Variants in SNX29 observed in about 807,000 individuals in gnomAD.
SNX29 encodes the protein sorting nexin-29.
A neutral mutation model predicts 102.1 loss-of-function variants in SNX29; 78 were observed. That is an observed-to-expected ratio of 0.76 (90% CI 0.64 to 0.92). The LOEUF (loss-of-function observed/expected upper bound fraction) is 0.92. Among genes scored for constraint, SNX29 ranks in the 40% least tolerant of loss-of-function variants. The pLI is 0.00. For synonymous variants in SNX29, 580 were observed against 414.5 expected (o/e 1.40, Z -4.85); for missense variants, 1,280 against 1,061.7 (o/e 1.21, Z -2.86).
chr16:12,045,592 G>A (rs1233927650), intron 5 of SNX29, among the ~76,000 whole-genome samples: 2 of 135,388 alleles, frequency 1.5e-5, no homozygotes, highest in East Asian at 3.9e-4. Context: ...TTTCAGGTCT[G>A]TAACCTAGGC....
rs74854069 is a variant in SNX29, at chr16:12,421,518, C to G, written c.2037+17989C>G. On this transcript the variant is annotated intron_variant, in intron 18 of 20. Coordinates refer to ENST00000566228, the MANE Select transcript of SNX29 (RefSeq NM_032167.5). ...TTTCCCTTAACACATATAGGGTGTTCAAGGAAAACACTGGCCTCTTACTCT... is the reference window on the plus strand; with the variant it reads ...TTTCCCTTAACACATATAGGGTGTTGAAGGAAAACACTGGCCTCTTACTCT... Among the ~76,000 whole-genome samples the G allele has an allele frequency of 2.9e-3, 449 of 152,266 alleles. 2 individuals carry two copies. Among genetic ancestry groups the G allele is most frequent in the African/African-American group, 9.9e-3 (411 of 41,540 alleles).
intron 11 of SNX29, among the ~76,000 whole-genome samples, chr16:12,084,848 C>T (rs2052085202): frequency 6.6e-6 from 1 of 152,112 alleles, no homozygotes; most frequent in Non-Finnish European, 1.5e-5. Context: ...GTGGGCAGAT[C>T]ACTTGAGGGC....
intron 15 of SNX29, among the ~76,000 whole-genome samples, chr16:12,323,839 A>G (rs998469218): frequency 1.3e-5 from 2 of 152,170 alleles, no homozygotes; most frequent in Non-Finnish European, 2.9e-5. Flanking sequence ...ATGGAGCAGT[A>G]TTTTCAAATG....
At chr16:12,539,479 C>G (rs1051220872) in intron 20 of SNX29, among the ~76,000 whole-genome samples, 3 of 152,154 alleles carry the variant, frequency 2.0e-5, no homozygotes, top group Non-Finnish European at 2.9e-5. Flanking sequence ...CACGGTTTAT[C>G]TAGTCATAAA....
chr16:12,431,348 G>A (rs1324814302), intron 18 of SNX29, among the ~76,000 whole-genome samples: 2 of 152,018 alleles, frequency 1.3e-5, no homozygotes, highest in Non-Finnish European at 2.9e-5. Flanking sequence ...CCAGGGGTCT[G>A]TGAGGAGGAG....
Position 12,523,012 on chromosome 16 carries a change from A to G in SNX29, c.2179-1690A>G, listed in dbSNP as rs533842115. ...TTTTTTATAGAGATTGGGCCTTGTT[A>G]TGTTACCCAGGCTGGTCTCAAACTC... On this transcript the variant is annotated intron_variant, in intron 19 of 20. Coordinates refer to ENST00000566228, the MANE Select transcript of SNX29 (RefSeq NM_032167.5). Among the ~76,000 whole-genome samples the G allele has an allele frequency of 3.9e-5, 6 of 152,142 alleles. No individual in the cohort carries two copies. In the East Asian group the frequency reaches 1.2e-3, roughly 29 times the overall value.
chr16:12,224,879 T>C (rs2077570245), intron 14 of SNX29, among the ~76,000 whole-genome samples: 1 of 152,098 alleles, frequency 6.6e-6, no homozygotes, highest in South Asian at 2.1e-4. Context: ...GAACTGTGGA[T>C]TCAGATCTGT....
intron 16 of SNX29, among the ~76,000 whole-genome samples, chr16:12,382,628 G>A (rs534605833): frequency 3.9e-5 from 6 of 152,326 alleles, no homozygotes; most frequent in East Asian, 1.9e-4. Flanking sequence ...TACCATAAAC[G>A]TGCTGGCTTA....
chr16:12,457,217 T>C (rs16959709), intron 18 of SNX29, among the ~76,000 whole-genome samples: 9,244 of 152,280 alleles, frequency 0.061, 916 homozygotes, highest in African/African-American at 0.21. Context: ...TTTATGCATG[T>C]GTTATGTCAC....
At chr16:12,158,007 A>G (rs1363719341) in intron 13 of SNX29, among the ~76,000 whole-genome samples, 2 of 151,840 alleles carry the variant, frequency 1.3e-5, no homozygotes, top group Non-Finnish European at 2.9e-5. Flanking sequence ...ACATCACAGC[A>G]TCTGGTATAA....
At chr16:12,469,816 G>C (rs547073382) in intron 18 of SNX29, among the ~76,000 whole-genome samples, 2 of 152,274 alleles carry the variant, frequency 1.3e-5, no homozygotes, top group Admixed American at 1.3e-4. Context: ...TTCAAGACCA[G>C]CCTGGCCAAC....
At chr16:12,298,192 G>A (rs1321948843) in intron 15 of SNX29, among the ~76,000 whole-genome samples, 2 of 152,044 alleles carry the variant, frequency 1.3e-5, no homozygotes, top group Non-Finnish European at 2.9e-5. Context: ...AATAATAATA[G>A]CACTTCAGTC....
intron 3 of SNX29, among the ~76,000 whole-genome samples, chr16:12,022,062 T>A (rs1033249812): frequency 2.0e-5 from 3 of 150,424 alleles, no homozygotes; most frequent in African/African-American, 4.9e-5. Context: ...TGCTGCTTTA[T>A]CAGACTTTTA....
chr16:12,538,419 G>A (rs181590212), intron 20 of SNX29, among the ~76,000 whole-genome samples: 1 of 152,272 alleles, frequency 6.6e-6, no homozygotes, highest in African/African-American at 2.4e-5. Flanking sequence ...TGATGTCTGG[G>A]AGTAATAACT....
At chr16:12,342,786 G>A (rs2081648432) in intron 15 of SNX29, among the ~76,000 whole-genome samples, 1 of 152,198 alleles carries the variant, frequency 6.6e-6, no homozygotes, top group South Asian at 2.1e-4. Context: ...TGGCCGTCCA[G>A]CTCCAAGTTC....
At chr16:12,109,149 A>G (rs1302134957) in intron 11 of SNX29, among the ~76,000 whole-genome samples, 9 of 151,178 alleles carry the variant, frequency 6.0e-5, no homozygotes, top group African/African-American at 1.9e-4. Context: ...AAAAAAAAAA[A>G]AAAAAAGAAA....
intron 11 of SNX29, among the ~76,000 whole-genome samples, chr16:12,120,303 G>T (rs576753086): frequency 2.0e-5 from 3 of 152,236 alleles, no homozygotes; most frequent in Admixed American, 2.0e-4. Context: ...AAAGATAGCT[G>T]AGTATGGGCC....
At chr16:12,517,654 G>C (rs1218821860) in intron 19 of SNX29, among the ~76,000 whole-genome samples, 1 of 152,208 alleles carries the variant, frequency 6.6e-6, no homozygotes, top group South Asian at 2.1e-4. Context: ...CGGCGATAAA[G>C]GGATGAACCA....
intron 15 of SNX29, among the ~76,000 whole-genome samples, chr16:12,287,864 G>A (rs368120937): frequency 6.6e-6 from 1 of 152,076 alleles, no homozygotes; most frequent in Admixed American, 6.6e-5. Flanking sequence ...GAAGAACCTG[G>A]GTTGTTGATC....
Sources: allele counts gnomAD v4.1 joint callset (sites outside exome capture counted in the v4.1 genomes callset), GRCh38; gene constraint gnomAD v4.1.1; transcripts MANE v1.5; gene names NCBI Gene and HGNC (gene_info 2026-07-23, HGNC 2026-07-21).